DMXL1: variants seen among roughly 807,000 people sequenced by gnomAD.
DMXL1 encodes the protein dmX-like protein 1.
A neutral mutation model predicts 319.2 loss-of-function variants in DMXL1; 99 were observed. That is an observed-to-expected ratio of 0.31 (90% confidence interval 0.26 to 0.37). The LOEUF (loss-of-function observed/expected upper bound fraction) is 0.37, where lower values mean the gene tolerates loss of function less well. Among genes scored for constraint, DMXL1 ranks in the 10% least tolerant of loss-of-function variants. The pLI, the probability that DMXL1 is intolerant of heterozygous loss-of-function variation, is 1.00. For missense variants in DMXL1, 3,745 were observed against 3,595.6 expected (o/e 1.04, Z -1.06); for synonymous variants, 1,385 against 1,235.2 (o/e 1.12, Z -2.54).
intron 30 of DMXL1, 33 bp from the exon 31 acceptor site, chr5:119,196,338 T>G (rs760679112): frequency 3.8e-5 from 58 of 1,532,066 alleles, no homozygotes; most frequent in Non-Finnish European, 5.1e-5. Flanking sequence ...CCTATAGAAA[T>G]AGTTAACAGA....
chr5:119,108,460 G>T (rs973631018), intron 4 of DMXL1, among the ~76,000 whole-genome samples: 2 of 151,940 alleles, frequency 1.3e-5, no homozygotes, highest in African/African-American at 4.8e-5. Flanking sequence ...GTCTTGCTCT[G>T]TTGCCCAGGC....
intron 42 of DMXL1, among the ~76,000 whole-genome samples, chr5:119,241,577 G>T (rs905435504): frequency 2.0e-4 from 30 of 151,782 alleles, no homozygotes; most frequent in Admixed American, 1.7e-3. Flanking sequence ...GTCTGAAATG[G>T]CAGGCAACTA....
chr5:119,109,869 C>A lies in DMXL1; in HGVS notation c.365-282C>A, dbSNP rs567032857. ...TGCTGAAATATGAACTCATGAAAAA[C>A]GACAATGTTTTGTTTGTCATTGTAT... On this transcript the variant is annotated intron_variant, in intron 4 of 43. Transcript: ENST00000539542. Among the ~76,000 whole-genome samples the A allele has an allele frequency of 3.9e-5, 6 of 152,180 alleles. No individual in the cohort carries two copies. The South Asian group carries it at 1.2e-3, about 32-fold the overall frequency.
At chr5:119,100,930 C>T (rs927905728) in intron 2 of DMXL1, among the ~76,000 whole-genome samples, 8 of 145,720 alleles carry the variant, frequency 5.5e-5, no homozygotes, top group Non-Finnish European at 9.1e-5. Context: ...CAGGCGCCTG[C>T]CATCGCCCGG....
At position 119,202,889 on chromosome 5, in the gene DMXL1, A is replaced by ATTTT. The variant is rs1316183750; in HGVS notation, c.7746-429_7746-428insTTTT. Among the ~76,000 whole-genome samples, 1,280 of 141,394 alleles carry ATTTT rather than the reference A, an allele frequency of 9.1e-3. 33 individuals are homozygous for ATTTT. The highest frequency in any genetic ancestry group is 0.031 in the African/African-American group (1,171 of 38,148). The allele number at this position is 141,394 out of a possible 152,430, so 92.8% of individuals were successfully genotyped here. Reference sequence around the variant, plus strand: ...CATATATATATATATATATTTTTATATATATATATATATATATTTATATAT... The same window carrying ATTTT: ...CATATATATATATATATATTTTTATATTTTTATATATATATATATATTTATATAT... On this transcript the variant is annotated intron_variant, in intron 32 of 43. Transcript: ENST00000539542.
At chr5:119,076,389 G>A (rs1750872961) in intron 1 of DMXL1, among the ~76,000 whole-genome samples, 1 of 151,984 alleles carries the variant, frequency 6.6e-6, no homozygotes, top group Admixed American at 6.5e-5. Context: ...TTGGGAGGAT[G>A]GGAAGGTGTT....
chr5:119,118,675 G>A (rs550088495), intron 7 of DMXL1, 140 bp from the exon 8 acceptor site: 63 of 560,198 alleles, frequency 1.1e-4, no homozygotes, highest in Middle Eastern at 3.5e-4. Context: ...AGCATTTGCT[G>A]TGATGAAATC....
At chr5:119,116,071 T>A in intron 6 of DMXL1, 87 bp from the exon 7 acceptor site, 1 of 1,252,102 alleles carries the variant, frequency 8.0e-7, no homozygotes, top group Non-Finnish European at 1.1e-6. Context: ...GTTCTTGCCA[T>A]TGGGGAGAAA....
chr5:119,141,629 C>G (rs1302981994), intron 13 of DMXL1, among the ~76,000 whole-genome samples: 1 of 152,110 alleles, frequency 6.6e-6, no homozygotes, highest in Non-Finnish European at 1.5e-5. Flanking sequence ...GAAAAACATC[C>G]TATGTTGATG....
chr5:119,089,690 A>G (rs1282131948), intron 1 of DMXL1, among the ~76,000 whole-genome samples: 1 of 148,420 alleles, frequency 6.7e-6, no homozygotes, highest in African/African-American at 2.5e-5. Context: ...CAATGGCGCA[A>G]TCTTGTCTCA....
chr5:119,121,268 T>C, intron 9 of DMXL1, 129 bp downstream of exon 9: 1 of 681,184 alleles, frequency 1.5e-6, no homozygotes, highest in Non-Finnish European at 2.1e-6. Flanking sequence ...TTTTCTTTTT[T>C]TTTTCTTTTT....
At chr5:119,102,366 G>A (rs925066815) in intron 3 of DMXL1, among the ~76,000 whole-genome samples, 1 of 152,074 alleles carries the variant, frequency 6.6e-6, no homozygotes, top group African/African-American at 2.4e-5. Context: ...CTTTATACAG[G>A]TTTTCTGCCT....
At chr5:119,153,579 A>C (rs962933079) in intron 19 of DMXL1, among the ~76,000 whole-genome samples, 1 of 152,144 alleles carries the variant, frequency 6.6e-6, no homozygotes, top group African/African-American at 2.4e-5. Context: ...CTCCCTTCTC[A>C]TCCTGTCCCC....
At chr5:119,208,671 G>C (rs962713960) in intron 34 of DMXL1, among the ~76,000 whole-genome samples, 3 of 151,838 alleles carry the variant, frequency 2.0e-5, no homozygotes, top group Non-Finnish European at 4.4e-5. Context: ...ATTTTTCCAA[G>C]CCCACTGCTA....
At chr5:119,135,000 A>G (rs1024242334) in intron 13 of DMXL1, among the ~76,000 whole-genome samples, 1 of 152,246 alleles carries the variant, frequency 6.6e-6, no homozygotes, top group Non-Finnish European at 1.5e-5. Context: ...GATTCAAGCC[A>G]TCTCCCTGAC....
intron 34 of DMXL1, among the ~76,000 whole-genome samples, chr5:119,213,259 A>C (rs1030179813): frequency 6.6e-6 from 1 of 152,198 alleles, no homozygotes; most frequent in Non-Finnish European, 1.5e-5. Flanking sequence ...GCAGTGATTT[A>C]GCCTAACCTG....
intron 21 of DMXL1, among the ~76,000 whole-genome samples, chr5:119,165,928 T>C (rs1000823916): frequency 5.9e-5 from 9 of 152,192 alleles, no homozygotes; most frequent in Admixed American, 6.5e-5. Flanking sequence ...CAGAAACTTA[T>C]GCTTGGGACA....
At chr5:119,162,905 G>C (rs1230119746) in intron 19 of DMXL1, among the ~76,000 whole-genome samples, 5 of 152,084 alleles carry the variant, frequency 3.3e-5, no homozygotes, top group Non-Finnish European at 7.4e-5. Context: ...CACATTGCTT[G>C]GCATGGGAGG....
chr5:119,229,091 G>A (rs1786160560), intron 38 of DMXL1, among the ~76,000 whole-genome samples: 1 of 150,324 alleles, frequency 6.7e-6, no homozygotes, highest in Admixed American at 6.6e-5. Context: ...GAGGTGTGGG[G>A]ATAGCTTGAG....
Sources: allele counts gnomAD v4.1 joint callset (sites outside exome capture counted in the v4.1 genomes callset), GRCh38; gene constraint gnomAD v4.1.1; transcripts MANE v1.5; gene names NCBI Gene and HGNC (gene_info 2026-07-23, HGNC 2026-07-21).